The following CLNK variants were observed in gnomAD, a reference collection of about 807,000 sequenced individuals.
CLNK encodes the protein cytokine-dependent hematopoietic cell linker.
A neutral mutation model predicts 68.6 loss-of-function variants in CLNK; 74 were observed. That is an observed-to-expected ratio of 1.08 (90% CI 0.89 to 1.31). The LOEUF (loss-of-function observed/expected upper bound fraction) is 1.31. Among genes scored for constraint, CLNK ranks in the 50% most tolerant of loss-of-function variants. The probability of loss-of-function intolerance (pLI) is 0.00; values close to 1 mark genes in which losing one functional copy is unlikely to be tolerated. For missense variants in CLNK, 553 were observed against 515.3 expected (o/e 1.07, Z -0.71); for synonymous variants, 198 against 172.2 (o/e 1.15, Z -1.17).
At chr4:10,704,188 AAGAG>A in the CLNK span, among the ~76,000 whole-genome samples, 1 of 152,108 alleles carries the variant, frequency 6.6e-6, no homozygotes, top group Non-Finnish European at 1.5e-5. Context: ...AGGAGAGAGA[AAGAG>A]AGAGAGCGAG....
chr4:10,721,030 T>C, the CLNK span, among the ~76,000 whole-genome samples: 5 of 152,294 alleles, frequency 3.3e-5, no homozygotes, highest in Non-Finnish European at 1.5e-5. Flanking sequence ...TGGGGGACTT[T>C]CCAGAGAATT....
At chr4:10,707,355 C>T in the CLNK span, among the ~76,000 whole-genome samples, 1 of 152,212 alleles carries the variant, frequency 6.6e-6, no homozygotes, top group Non-Finnish European at 1.5e-5. Flanking sequence ...TTGCTTTAGA[C>T]AAAGCCTAAC....
At chr4:10,512,255 A>C (rs1717620979) in intron 16 of CLNK, among the ~76,000 whole-genome samples, 1 of 150,106 alleles carries the variant, frequency 6.7e-6, no homozygotes. Context: ...TTTTGTGATG[A>C]AGTCTAGCTC....
At chr4:10,724,435 A>G in the CLNK span, among the ~76,000 whole-genome samples, 64,722 of 150,486 alleles carry the variant, frequency 0.43, 14,680 homozygotes, top group Middle Eastern at 0.58. Flanking sequence ...AGCTTAAGTC[A>G]TTTTCTGGAA....
intron 2 of CLNK, among the ~76,000 whole-genome samples, chr4:10,653,597 G>T (rs373490251): frequency 8.5e-5 from 13 of 152,148 alleles, no homozygotes; most frequent in African/African-American, 2.4e-4. Context: ...TAGTAGAACA[G>T]GATGGCTAAA....
At chr4:10,527,961 C>T in intron 13 of CLNK, 115 bp downstream of exon 13, 1 of 491,258 alleles carries the variant, frequency 2.0e-6, no homozygotes. Flanking sequence ...CACATACATC[C>T]CCATCCCAGG....
intron 2 of CLNK, among the ~76,000 whole-genome samples, chr4:10,627,959 G>A (rs1722742892): frequency 6.6e-6 from 1 of 152,144 alleles, no homozygotes; most frequent in Admixed American, 6.5e-5. Flanking sequence ...TGCTGCAAGA[G>A]GTCCCCGCAT....
intron 2 of CLNK, among the ~76,000 whole-genome samples, chr4:10,648,223 T>C (rs552369212): frequency 2.0e-5 from 3 of 152,204 alleles, no homozygotes; most frequent in Non-Finnish European, 4.4e-5. Flanking sequence ...CCATGTACTA[T>C]CTCAAGTGGC....
chr4:10,584,825 C>T, intron 4 of CLNK, 102 bp downstream of exon 4: 2 of 1,205,206 alleles, frequency 1.7e-6, no homozygotes, highest in South Asian at 1.3e-5. Flanking sequence ...TTCAAATAGG[C>T]CATAGTTTTA....
At chr4:10,652,614 C>T (rs181301571) in intron 2 of CLNK, among the ~76,000 whole-genome samples, 15 of 152,192 alleles carry the variant, frequency 9.9e-5, no homozygotes, top group African/African-American at 3.4e-4. Context: ...CAGGTCACTA[C>T]ATTACAACAT....
At chr4:10,663,011 A>G (rs1724253418) in intron 2 of CLNK, among the ~76,000 whole-genome samples, 2 of 152,258 alleles carry the variant, frequency 1.3e-5, no homozygotes, top group Admixed American at 1.3e-4. Context: ...CTGGGTGGCC[A>G]GTGCAGGGCA....
chr4:10,725,714 G>T, the CLNK span, among the ~76,000 whole-genome samples: 3 of 152,044 alleles, frequency 2.0e-5, no homozygotes, highest in Non-Finnish European at 4.4e-5. Flanking sequence ...AATTAGCCGG[G>T]CGTGTTGGCG....
chr4:10,533,840 G>C (rs1442745769), intron 11 of CLNK, among the ~76,000 whole-genome samples: 3 of 152,170 alleles, frequency 2.0e-5, no homozygotes. Context: ...CCATTTTAAA[G>C]AGTTTGAAGT....
rs563534175 is a variant in CLNK, at chr4:10,652,264, C to A, written c.11+15595G>T. ...TGGCATGGTGGCGAGCACCTGTAAT[C>A]CCAGCTACTTGGGATGCTGAGACAA... is the stretch of plus-strand genomic sequence containing the variant. On this transcript the variant is annotated intron_variant, in intron 2 of 18. Transcript: ENST00000226951. Among the ~76,000 whole-genome samples the A allele has an allele frequency of 2.6e-5, 4 of 151,302 alleles. No homozygotes were observed. The East Asian group carries it at 7.8e-4, about 30-fold the overall frequency.
At chr4:10,536,471 A>G (rs111711825) in intron 11 of CLNK, among the ~76,000 whole-genome samples, 196 of 152,344 alleles carry the variant, frequency 1.3e-3, no homozygotes, top group Admixed American at 2.5e-3. Context: ...CATGTCATTT[A>G]TCGTGGTATC....
At chr4:10,647,418 G>A (rs1723553692) in intron 2 of CLNK, among the ~76,000 whole-genome samples, 1 of 152,126 alleles carries the variant, frequency 6.6e-6, no homozygotes, top group African/African-American at 2.4e-5. Context: ...TTATACATGA[G>A]TCTCCTTTGG....
At chr4:10,653,150 T>G (rs1723821132) in intron 2 of CLNK, among the ~76,000 whole-genome samples, 1 of 151,794 alleles carries the variant, frequency 6.6e-6, no homozygotes, top group Non-Finnish European at 1.5e-5. Flanking sequence ...TGAGAACACA[T>G]GGACACAGGG....
the CLNK span, among the ~76,000 whole-genome samples, chr4:10,696,160 GCTT>G: frequency 6.6e-6 from 1 of 152,044 alleles, no homozygotes; most frequent in Non-Finnish European, 1.5e-5. Flanking sequence ...CCAGCCCAGA[GCTT>G]CTTATCTAAG....
intron 4 of CLNK, among the ~76,000 whole-genome samples, chr4:10,581,638 A>T (rs1720786905): frequency 7.4e-6 from 1 of 135,496 alleles, no homozygotes; most frequent in African/African-American, 2.7e-5. Context: ...AGACTACCCG[A>T]GTCCCCAGGA....
Sources: gnomAD v4.1 joint callset for allele counts (sites outside exome capture counted in the v4.1 genomes callset) on GRCh38, gnomAD v4.1.1 for gene constraint, MANE v1.5 for transcripts, NCBI Gene and HGNC (gene_info 2026-07-23, HGNC 2026-07-21) for gene names.